Variants in ATP2B2 observed in about 807,000 individuals in gnomAD.
The protein encoded by ATP2B2 is plasma membrane calcium-transporting ATPase 2.
In ATP2B2, 15 loss-of-function variants were observed where a neutral mutation model predicts 120.0. The ratio of observed to expected loss-of-function variants is 0.12; its 90% CI spans 0.08 to 0.19. The LOEUF (loss-of-function observed/expected upper bound fraction) is 0.19, where lower values mean the gene tolerates loss of function less well. Ranked by LOEUF, ATP2B2 falls within the 10% of genes least tolerant of loss-of-function variation. The pLI is 1.00. For synonymous variants in ATP2B2, 694 were observed against 700.3 expected, an observed-to-expected ratio of 0.99 and a Z score of 0.14; for missense variants, 1,045 against 1,719.8, an observed-to-expected ratio of 0.61 and a Z score of 6.94.
chr3:10,598,699 C>T (rs769342478), intron 2 of ATP2B2, among the ~76,000 whole-genome samples: 1 of 152,214 alleles, frequency 6.6e-6, no homozygotes, highest in African/African-American at 2.4e-5. Context: ...TCAAAGTAAA[C>T]AAGGAAGCGA....
intron 5 of ATP2B2, among the ~76,000 whole-genome samples, chr3:10,393,016 C>T (rs1470460735): frequency 6.6e-6 from 1 of 152,228 alleles, no homozygotes; most frequent in Non-Finnish European, 1.5e-5. Context: ...CTCCACAGTC[C>T]TTCACTTGAC....
chr3:10,645,983 G>A (rs1026964438), intron 1 of ATP2B2, among the ~76,000 whole-genome samples: 8 of 152,276 alleles, frequency 5.3e-5, no homozygotes, highest in South Asian at 4.2e-4. Flanking sequence ...TGGGACCCCC[G>A]TTGCAAAGAC....
At chr3:10,356,536 T>C (rs1402307055) in intron 14 of ATP2B2, among the ~76,000 whole-genome samples, 1 of 152,226 alleles carries the variant, frequency 6.6e-6, no homozygotes, top group Admixed American at 6.5e-5. Flanking sequence ...TTTCTTATTG[T>C]GCGTCATGGT....
intron 16 of ATP2B2, among the ~76,000 whole-genome samples, chr3:10,348,530 A>G (rs2060490666): frequency 6.6e-6 from 1 of 152,058 alleles, no homozygotes; most frequent in Non-Finnish European, 1.5e-5. Context: ...AGTCTCCTGT[A>G]GCTTCCCTCT....
intron 1 of ATP2B2, among the ~76,000 whole-genome samples, 168 bp from the exon 2 acceptor site, chr3:10,450,030 A>G (rs2063978614): frequency 6.6e-6 from 1 of 152,012 alleles, no homozygotes; most frequent in African/African-American, 2.4e-5. Flanking sequence ...ACTAGCGCCA[A>G]CCCAGGCACT....
At chr3:10,464,478 C>T (rs1190542005) in intron 1 of ATP2B2, among the ~76,000 whole-genome samples, 1 of 152,060 alleles carries the variant, frequency 6.6e-6, no homozygotes, top group Non-Finnish European at 1.5e-5. Context: ...CAGTCTATGG[C>T]CCCCACAGCA....
chr3:10,360,157 T>G, intron 12 of ATP2B2, 34 bp from the exon 13 acceptor site: 3 of 1,555,016 alleles, frequency 1.9e-6, no homozygotes, highest in Non-Finnish European at 2.6e-6. Context: ...TGGCACCTGG[T>G]GGGGCCTGTG....
chr3:10,415,031 T>C (rs1391588551), intron 2 of ATP2B2, among the ~76,000 whole-genome samples: 1 of 151,854 alleles, frequency 6.6e-6, no homozygotes, highest in African/African-American at 2.4e-5. Context: ...CTCACTCCCC[T>C]CTTCTCAGTG....
At chr3:10,704,802 T>C (rs2071873009) in intron 1 of ATP2B2, among the ~76,000 whole-genome samples, 1 of 152,182 alleles carries the variant, frequency 6.6e-6, no homozygotes, top group Non-Finnish European at 1.5e-5. Context: ...AGAAATGCAG[T>C]TTTATTACTC....
At chr3:10,467,811 C>G (rs866085141) in intron 1 of ATP2B2, among the ~76,000 whole-genome samples, 28 of 152,186 alleles carry the variant, frequency 1.8e-4, no homozygotes, top group African/African-American at 6.3e-4. Flanking sequence ...CAGAGATGAG[C>G]GTGAGAGCAG....
intron 1 of ATP2B2, among the ~76,000 whole-genome samples, chr3:10,695,251 GGAGAGAGAGA>G (rs140200422): frequency 7.9e-6 from 1 of 126,908 alleles, no homozygotes; most frequent in Non-Finnish European, 1.6e-5. Context: ...AGGGAGGGAG[GGAGAGAGAGA>G]GAGAGAGAGA....
At position 10,375,764 on chromosome 3, in the gene ATP2B2, C is replaced by G; in HGVS notation, c.1202-120G>C. 1.2e-6 allele frequency: 1 copy of G among 844,038 alleles called. No individual in the cohort carries two copies. The highest frequency in any genetic ancestry group is 2.0e-6 in the Non-Finnish European group (1 of 509,534). 52.3% of individuals were successfully genotyped at this position (844,038 alleles called of 1,614,324 possible). ...GCTGACCCCAGCTCACCTCCCAGCT[C>G]TGCCACTCCTTGCTTTATGACCTGT... On this transcript the variant is annotated intron_variant, in intron 10 of 22. Coordinates refer to ENST00000360273, the MANE Select transcript of ATP2B2 (RefSeq NM_001001331.4). The surrounding 1 kb of genome is among the most constrained non-coding windows in gnomAD (Gnocchi z 4.2).
chr3:10,587,767 GT>G (rs2068548268), intron 2 of ATP2B2, among the ~76,000 whole-genome samples: 1 of 152,046 alleles, frequency 6.6e-6, no homozygotes, highest in Non-Finnish European at 1.5e-5. Flanking sequence ...TTGTTTGTTT[GT>G]TTGTTTGTTT....
intron 1 of ATP2B2, among the ~76,000 whole-genome samples, chr3:10,692,230 G>A (rs71316415): frequency 0.033 from 4,993 of 152,282 alleles, 138 homozygotes; most frequent in South Asian, 0.13. Context: ...CAAAGGGCAG[G>A]CAGAGTTAAC....
chr3:10,565,856 G>A (rs1274367071), intron 2 of ATP2B2, among the ~76,000 whole-genome samples: 1 of 152,152 alleles, frequency 6.6e-6, no homozygotes, highest in African/African-American at 2.4e-5. Context: ...TAGCTGTGTG[G>A]CCTTGGGCAA....
intron 2 of ATP2B2, among the ~76,000 whole-genome samples, chr3:10,564,177 C>A (rs4572750): frequency 0.13 from 20,380 of 152,206 alleles, 1,531 homozygotes; most frequent in South Asian, 0.27. Context: ...GAAAAAGACT[C>A]ATATAACCAA....
intron 2 of ATP2B2, among the ~76,000 whole-genome samples, chr3:10,598,044 G>A (rs141884830): frequency 5.3e-5 from 8 of 152,324 alleles, no homozygotes; most frequent in Non-Finnish European, 7.3e-5. Flanking sequence ...CTGCTCAAAG[G>A]CAGATATCAG....
At chr3:10,403,641 G>C (rs1002161065) in intron 3 of ATP2B2, among the ~76,000 whole-genome samples, 2 of 152,216 alleles carry the variant, frequency 1.3e-5, no homozygotes, top group African/African-American at 4.8e-5. Flanking sequence ...GGAATCTCCA[G>C]CAGCATCGGA....
intron 3 of ATP2B2, among the ~76,000 whole-genome samples, chr3:10,532,078 T>C (rs1034747115): frequency 6.6e-6 from 1 of 150,994 alleles, no homozygotes; most frequent in Admixed American, 6.6e-5. Context: ...TTTGGAAGGA[T>C]GTTTCTCAAA....
Sources: gnomAD v4.1 joint callset for allele counts (sites outside exome capture counted in the v4.1 genomes callset) on GRCh38, gnomAD v4.1.1 for gene constraint, Gnocchi (gnomAD v3.1) non-coding constraint, MANE v1.5 for transcripts, NCBI Gene and HGNC (gene_info 2026-07-23, HGNC 2026-07-21) for gene names.